The following GALNT10 variants were observed in gnomAD, a reference collection of about 807,000 sequenced individuals.
GALNT10 encodes GalNAc transferase 10.
In GALNT10, 41 loss-of-function variants were observed where a neutral mutation model predicts 75.0. The ratio of observed to expected loss-of-function variants is 0.55; its 90% confidence interval spans 0.43 to 0.71. GALNT10 has a LOEUF of 0.71. Among genes scored for constraint, GALNT10 ranks in the 30% least tolerant of loss-of-function variants. The probability of loss-of-function intolerance (pLI) is 0.00; values close to 1 mark genes in which losing one functional copy is unlikely to be tolerated. For synonymous variants in GALNT10, 302 were observed against 313.0 expected, an observed-to-expected ratio of 0.96 and a Z score of 0.37; for missense variants, 727 against 818.5, an observed-to-expected ratio of 0.89 and a Z score of 1.36.
chr5:154,279,975 C>T (rs1754014626), intron 1 of GALNT10, among the ~76,000 whole-genome samples: 1 of 152,140 alleles, frequency 6.6e-6, no homozygotes, highest in African/African-American at 2.4e-5. Context: ...TCTGTACTCT[C>T]ATGTTTATTG....
At chr5:154,206,562 G>C (rs1425922835) in intron 1 of GALNT10, among the ~76,000 whole-genome samples, 5 of 152,230 alleles carry the variant, frequency 3.3e-5, no homozygotes, top group Non-Finnish European at 7.3e-5. Context: ...CAGCACCCTA[G>C]TTGTAATCAG....
intron 1 of GALNT10, among the ~76,000 whole-genome samples, chr5:154,244,695 G>A (rs966708289): frequency 6.6e-6 from 1 of 152,232 alleles, no homozygotes; most frequent in Non-Finnish European, 1.5e-5. Context: ...AAGGGGAACA[G>A]GTGCTGTGAG....
chr5:154,194,797 G>A (rs1178886962), intron 1 of GALNT10, among the ~76,000 whole-genome samples: 1 of 152,218 alleles, frequency 6.6e-6, no homozygotes, highest in Non-Finnish European at 1.5e-5. Flanking sequence ...GGCTCAGACT[G>A]TTTCTCAGCA....
intron 4 of GALNT10, among the ~76,000 whole-genome samples, chr5:154,343,420 G>C (rs1167314126): frequency 6.6e-6 from 1 of 152,078 alleles, no homozygotes; most frequent in Non-Finnish European, 1.5e-5. Flanking sequence ...ATAATAGATG[G>C]GAAAGCACTT....
At chr5:154,375,711 A>T (rs1235093981) in intron 4 of GALNT10, among the ~76,000 whole-genome samples, 1 of 152,174 alleles carries the variant, frequency 6.6e-6, no homozygotes, top group Non-Finnish European at 1.5e-5. Flanking sequence ...GTGGCTCCAA[A>T]CTTAGGGCCA....
chr5:154,198,502 G>A (rs777806853), intron 1 of GALNT10, among the ~76,000 whole-genome samples: 1 of 152,222 alleles, frequency 6.6e-6, no homozygotes, highest in Non-Finnish European at 1.5e-5. Flanking sequence ...GAAGATAAGT[G>A]GTTGGCTTAA....
At chr5:154,210,939 A>C (rs1775186992) in intron 1 of GALNT10, among the ~76,000 whole-genome samples, 1 of 152,216 alleles carries the variant, frequency 6.6e-6, no homozygotes, top group South Asian at 2.1e-4. Flanking sequence ...GCTTAGAAAA[A>C]AATTGTAGAT....
chr5:154,315,155 T>G (rs150452823), intron 3 of GALNT10, among the ~76,000 whole-genome samples: 16 of 152,370 alleles, frequency 1.1e-4, no homozygotes, highest in Middle Eastern at 6.8e-3. Context: ...TTGATTCAGC[T>G]GTAGTACAAC....
chr5:154,353,611 T>C (rs889931582), intron 4 of GALNT10, among the ~76,000 whole-genome samples: 79 of 152,354 alleles, frequency 5.2e-4, no homozygotes, highest in African/African-American at 1.7e-3. Context: ...GGCTAGACTT[T>C]AGGGATACCC....
At chr5:154,284,988 A>G (rs1754091926) in intron 1 of GALNT10, among the ~76,000 whole-genome samples, 3 of 152,220 alleles carry the variant, frequency 2.0e-5, no homozygotes, top group Non-Finnish European at 4.4e-5. Context: ...TAAGGTGAAA[A>G]TAACACAAAA....
At chr5:154,195,724 C>T (rs1774927457) in intron 1 of GALNT10, among the ~76,000 whole-genome samples, 1 of 152,130 alleles carries the variant, frequency 6.6e-6, no homozygotes, top group South Asian at 2.1e-4. Context: ...TTCTATTTCA[C>T]CATGAGAAAT....
At chr5:154,358,303 G>A (rs1031291426) in intron 4 of GALNT10, among the ~76,000 whole-genome samples, 5 of 150,444 alleles carry the variant, frequency 3.3e-5, no homozygotes, top group Non-Finnish European at 5.9e-5. Context: ...GGGCTCCAAG[G>A]CTGGTGCCAT....
intron 3 of GALNT10, among the ~76,000 whole-genome samples, chr5:154,327,471 A>G (rs1473689213): frequency 6.6e-6 from 1 of 152,238 alleles, no homozygotes; most frequent in Non-Finnish European, 1.5e-5. Context: ...TACTCTGATC[A>G]TGTCCAAAGG....
chr5:154,408,485 T>C (rs1455637806), intron 8 of GALNT10, among the ~76,000 whole-genome samples: 1 of 152,044 alleles, frequency 6.6e-6, no homozygotes, highest in Non-Finnish European at 1.5e-5. Flanking sequence ...CTCAGATATA[T>C]CACATATCAG....
chr5:154,415,927 C>T lies in GALNT10; in HGVS notation c.1648C>T (p.Arg550Cys), dbSNP rs1462213616. 39 of 1,613,734 alleles carry T rather than the reference C, an allele frequency of 2.4e-5. No individual in the cohort carries two copies. The highest frequency in any genetic ancestry group is 3.3e-5 in the Admixed American group (2 of 59,988). ...GAAGGGCAACCAGCTGTGGAAATAC[C>T]GCAAAGTAAGATGGGATGCGGGGGG... ...SMKGNQLWKYRKDKTLYHPVS... is the reference protein window; with the variant it reads ...SMKGNQLWKYCKDKTLYHPVS... Residue 550 changes from arginine (R) to cysteine (C), a missense_variant, in exon 11 of 12, where the codon CGC (arginine) becomes TGC (cysteine). Coordinates refer to ENST00000297107, the MANE Select transcript of GALNT10 (RefSeq NM_198321.4).
chr5:154,399,911 G>A (rs916319747), intron 7 of GALNT10, among the ~76,000 whole-genome samples: 1 of 152,194 alleles, frequency 6.6e-6, no homozygotes, highest in Non-Finnish European at 1.5e-5. Flanking sequence ...GGGAGGTCAA[G>A]GTGGGAGGAC....
At chr5:154,261,566 G>A (rs1753698930) in intron 1 of GALNT10, among the ~76,000 whole-genome samples, 1 of 152,158 alleles carries the variant, frequency 6.6e-6, no homozygotes, top group Non-Finnish European at 1.5e-5. Flanking sequence ...CAGGCCCTAG[G>A]TGAGAGTTTT....
At chr5:154,300,365 A>T (rs1236705846) in intron 3 of GALNT10, among the ~76,000 whole-genome samples, 3 of 152,164 alleles carry the variant, frequency 2.0e-5, no homozygotes, top group Non-Finnish European at 4.4e-5. Context: ...TTCTTGTGGT[A>T]CTGTGGGTTC....
chr5:154,388,709 C>G (rs1162927044), intron 7 of GALNT10: 4 of 135,732 alleles, frequency 2.9e-5, no homozygotes, highest in African/African-American at 5.5e-5. Context: ...TTTTTTGCCT[C>G]TTCTGGTATT....
Sources: allele counts gnomAD v4.1 joint callset (sites outside exome capture counted in the v4.1 genomes callset), GRCh38; gene constraint gnomAD v4.1.1; transcripts MANE v1.5; gene names NCBI Gene and HGNC (gene_info 2026-07-23, HGNC 2026-07-21).